Variants in FRRS1L observed in about 807,000 individuals in gnomAD.
FRRS1L encodes the protein DOMON domain-containing protein FRRS1L.
Under a neutral mutation model 28.6 loss-of-function variants are expected in FRRS1L, and 22 were observed. That is an observed-to-expected ratio of 0.77 (90% confidence interval 0.55 to 1.10). The LOEUF (loss-of-function observed/expected upper bound fraction) is 1.10, where lower values mean the gene tolerates loss of function less well. Among genes scored for constraint, FRRS1L ranks in the 50% least tolerant of loss-of-function variants. The pLI is 0.00. For missense variants in FRRS1L, 380 were observed against 386.9 expected, an observed-to-expected ratio of 0.98 and a Z score of 0.15; for synonymous variants, 158 against 151.4, an observed-to-expected ratio of 1.04 and a Z score of -0.32.
At chr9:109,161,097 T>G (rs1347579831) in intron 1 of FRRS1L, among the ~76,000 whole-genome samples, 2 of 152,168 alleles carry the variant, frequency 1.3e-5, no homozygotes, top group African/African-American at 2.4e-5. Context: ...AGCAGAAATC[T>G]AATTCTGTCA....
intron 3 of FRRS1L, among the ~76,000 whole-genome samples, chr9:109,142,105 C>A (rs948782045): frequency 6.6e-6 from 1 of 151,912 alleles, no homozygotes; most frequent in African/African-American, 2.4e-5. Flanking sequence ...TGAAAACAAA[C>A]AATATATTTA....
At chr9:109,139,875 T>G (rs1831158193) in intron 4 of FRRS1L, 1 of 152,170 alleles carries the variant, frequency 6.6e-6, no homozygotes, top group Non-Finnish European at 1.5e-5. Context: ...CAGATCAGAT[T>G]AGGCAGCAAA....
intron 1 of FRRS1L, among the ~76,000 whole-genome samples, chr9:109,158,890 A>C (rs904546370): frequency 6.6e-6 from 1 of 152,238 alleles, no homozygotes; most frequent in Admixed American, 6.5e-5. Context: ...AGAAACTGCC[A>C]AACTATTTTC....
chr9:109,146,941 T>C, intron 3 of FRRS1L, 110 bp downstream of exon 3: 1 of 985,016 alleles, frequency 1.0e-6, no homozygotes, highest in Non-Finnish European at 1.5e-6. Flanking sequence ...CAGAGAGCCA[T>C]AACTAATTTG....
At chr9:109,157,953 G>A (rs563797555) in intron 1 of FRRS1L, among the ~76,000 whole-genome samples, 7 of 152,110 alleles carry the variant, frequency 4.6e-5, no homozygotes, top group African/African-American at 7.2e-5. Flanking sequence ...GCATATGTAC[G>A]TGATCAAAAC....
chr9:109,166,914 G>T lies in FRRS1L; in HGVS notation c.225C>A (p.Tyr75Ter). Residue 75 changes from tyrosine to a stop codon, truncating the protein, a stop_gained, in exon 1 of 5, where the codon TAC becomes TAA. Coordinates refer to ENST00000561981, the MANE Select transcript of FRRS1L (RefSeq NM_014334.4). LOFTEE classifies it high-confidence loss of function. ...TFAGEFYDLRYLSEEGYPFPT... is the reference protein window; with the variant it reads ...TFAGEFYDLR ...CCGCAGCCTCACCCTCCTCCGACAG[G>T]TAGCGCAGGTCGTAGAACTCCCCCG... 7.4e-7 allele frequency: 1 copy of T among 1,353,368 alleles called. No homozygotes were observed. The highest frequency in any genetic ancestry group is 3.2e-5 in the East Asian group (1 of 31,076). 83.8% of individuals were successfully genotyped at this position (1,353,368 alleles called of 1,614,324 possible).
In FRRS1L at chr9:109,130,387, TCTGA is replaced by T. The variant is rs1403318116; in HGVS notation, c.*7064_*7067del. 4 of 152,224 alleles carry T rather than the reference TCTGA, an allele frequency of 2.6e-5. No homozygotes were observed. Among genetic ancestry groups the T allele is most frequent in the South Asian group, 2.1e-4 (1 of 4,830 alleles). 9.4% of individuals were successfully genotyped at this position (152,224 alleles called of 1,614,324 possible). On this transcript the variant is annotated 3_prime_UTR_variant, in exon 5 of 5. Transcript: ENST00000561981. ...TAAAGTTTAAATCTAATTAATATAT[TCTGA>T]CTAACATAATCATCCAAAGATAAAA...
intron 1 of FRRS1L, among the ~76,000 whole-genome samples, chr9:109,158,855 T>C (rs999410137): frequency 2.0e-5 from 3 of 152,282 alleles, no homozygotes; most frequent in Admixed American, 1.3e-4. Flanking sequence ...CTGCATCATA[T>C]GGTAATTCTG....
At chr9:109,141,906 ATACC>A (rs1282799097) in intron 3 of FRRS1L, among the ~76,000 whole-genome samples, 1 of 151,984 alleles carries the variant, frequency 6.6e-6, no homozygotes, top group Non-Finnish European at 1.5e-5. Context: ...AATTAAAAAA[ATACC>A]TAGCCTATAA....
Position 109,134,428 on chromosome 9 carries a change from A to T in FRRS1L, c.*3027T>A, listed in dbSNP as rs573151351. 1.3e-4 allele frequency: 20 copies of T among 152,326 alleles called. No homozygotes were observed. In the South Asian group the frequency reaches 3.9e-3, roughly 30 times the overall value. 9.4% of individuals were successfully genotyped at this position (152,326 alleles called of 1,614,324 possible). A position where few individuals can be genotyped will look rare whatever the true frequency, so the allele number is the denominator to read the frequency against. On this transcript the variant is annotated 3_prime_UTR_variant, in exon 5 of 5. Transcript: ENST00000561981. ...TGGAGGAAAAAATATTTAAGTTGTG[A>T]CCTGATAGGTGAATAGGAGTTCATC...
chr9:109,140,409 G>A (rs924873361), intron 4 of FRRS1L: 1 of 152,236 alleles, frequency 6.6e-6, no homozygotes, highest in Non-Finnish European at 1.5e-5. Context: ...AGCTCTGATT[G>A]TTTCATTGCA....
chr9:109,154,392 C>A (rs1831377882), intron 1 of FRRS1L, among the ~76,000 whole-genome samples: 1 of 152,198 alleles, frequency 6.6e-6, no homozygotes, highest in Non-Finnish European at 1.5e-5. Context: ...TTCCATCTTT[C>A]TTACTGGAAC....
rs776628840 is a variant in FRRS1L, at chr9:109,141,508, C to T, written c.544G>A (p.Ala182Thr). The change falls in exon 4 of 5, where the codon GCA (alanine) becomes ACA (threonine). Residue 182 changes from alanine (A) to threonine (T), a missense_variant. Transcript: ENST00000561981. ...IQHFYNVGQW[A>T]KEIQRNPARD... The stretch of plus-strand genomic sequence containing the variant: ...GCAGGGTTTCTCTGAATCTCCTTTG[C>T]CCACTGGCCTACATTATAGAAGTGC... The T allele has an allele frequency of 3.7e-6, 6 of 1,614,008 alleles. No individual in the cohort carries two copies. In the Admixed American group the frequency reaches 6.7e-5, roughly 18 times the overall value.
intron 1 of FRRS1L, among the ~76,000 whole-genome samples, chr9:109,164,808 G>T (rs1831526473): frequency 6.6e-6 from 1 of 152,182 alleles, no homozygotes; most frequent in South Asian, 2.1e-4. Context: ...CTAGGGATCG[G>T]TACAAAGCCC....
Position 109,144,687 on chromosome 9 carries a change from TTTTTC to T in FRRS1L, c.462+2359_462+2363del, listed in dbSNP as rs1200350864. 3.3e-5 allele frequency among the ~76,000 whole-genome samples: 5 copies of T among 151,390 alleles called. No individual in the cohort carries two copies. In the South Asian group the frequency reaches 6.3e-4, roughly 19 times the overall value. Reference sequence around the variant, plus strand: ...GCCAGTTAGTGCTATTTTCTTTTTCTTTTTCTTTTTTTTGAGACGGAGTTTCATTC... The same window carrying T: ...GCCAGTTAGTGCTATTTTCTTTTTCTTTTTTTTTGAGACGGAGTTTCATTC... On this transcript the variant is annotated intron_variant, in intron 3 of 4. Coordinates refer to ENST00000561981, the MANE Select transcript of FRRS1L (RefSeq NM_014334.4).
At chr9:109,141,108 A>C (rs1413456499) in intron 4 of FRRS1L, 1 of 572,428 alleles carries the variant, frequency 1.7e-6, no homozygotes. Context: ...ATGACATACT[A>C]TCTTGTACTG....
At chr9:109,159,623 A>G (rs994288062) in intron 1 of FRRS1L, among the ~76,000 whole-genome samples, 1 of 152,190 alleles carries the variant, frequency 6.6e-6, no homozygotes, top group African/African-American at 2.4e-5. Flanking sequence ...GCGCCATTGC[A>G]TTCCAGCCTG....
intron 1 of FRRS1L, among the ~76,000 whole-genome samples, chr9:109,165,024 C>T (rs1201983984): frequency 1.3e-5 from 2 of 152,180 alleles, no homozygotes; most frequent in African/African-American, 4.8e-5. Flanking sequence ...AGAATCTGAG[C>T]TTATCCTTCA....
chr9:109,141,594 C>T lies in FRRS1L; in HGVS notation c.463-5G>A, dbSNP rs2118468399. 1 of 1,601,566 alleles carries T rather than the reference C, an allele frequency of 6.2e-7. No homozygotes were observed. On this transcript the variant is annotated splice_polypyrimidine_tract_variant and splice_region_variant and intron_variant, in intron 3 of 4. Coordinates refer to ENST00000561981, the MANE Select transcript of FRRS1L (RefSeq NM_014334.4). ...GGCCATGACATCATCACCACCCTAA[C>T]ATGAGAAATGATTGAGAAAAAAAAA... is the stretch of plus-strand genomic sequence containing the variant.
Sources: allele counts gnomAD v4.1 joint callset (sites outside exome capture counted in the v4.1 genomes callset), GRCh38; gene constraint gnomAD v4.1.1; transcripts MANE v1.5; gene names NCBI Gene and HGNC (gene_info 2026-07-23, HGNC 2026-07-21).